SMYD5: variants seen among roughly 807,000 people sequenced by gnomAD.
SMYD5 encodes SMYD family member 5.
In SMYD5, 35 loss-of-function variants were observed where a neutral mutation model predicts 57.4. The observed-to-expected ratio is 0.61, with a 90% CI of 0.47 to 0.81. The LOEUF is 0.81. Ranked by LOEUF, SMYD5 falls within the 30% of genes least tolerant of loss-of-function variation. SMYD5 has a pLI of 0.00. For missense variants in SMYD5, 471 were observed against 527.9 expected, an observed-to-expected ratio of 0.89 and a Z score of 1.06; for synonymous variants, 198 against 189.7, an observed-to-expected ratio of 1.04 and a Z score of -0.36.
chr2:73,214,769 G>A (rs1253479124), intron 1 of SMYD5: 1 of 1,316,534 alleles, frequency 7.6e-7, no homozygotes, highest in Admixed American at 2.3e-5. Context: ...TGAGGAGAGA[G>A]GCCAAGATCC....
chr2:73,222,836 G>C lies in SMYD5; in HGVS notation c.705+19G>C. 6.2e-7 allele frequency: 1 copy of C among 1,611,380 alleles called. No individual in the cohort carries two copies. The highest frequency in any genetic ancestry group is 1.1e-5 in the South Asian group (1 of 90,960). Reference sequence around the variant, plus strand: ...CAGCCAGGTGAGTGAGGAGAGGGTGGGACCAGTGGCCTCCTTGTTACTCCA... The same window carrying C: ...CAGCCAGGTGAGTGAGGAGAGGGTGCGACCAGTGGCCTCCTTGTTACTCCA... On this transcript the variant is annotated intron_variant, in intron 7 of 12. Transcript: ENST00000389501.
intron 1 of SMYD5, among the ~76,000 whole-genome samples, chr2:73,216,966 TTTTGAGATGGAG>T (rs1161094006): frequency 6.6e-6 from 1 of 151,826 alleles, no homozygotes; most frequent in African/African-American, 2.4e-5. Context: ...TTCTTTTTTT[TTTTGAGATGGAG>T]TCTTACTCTG....
chr2:73,225,416 C>G, intron 11 of SMYD5: 1 of 638,396 alleles, frequency 1.6e-6, no homozygotes, highest in East Asian at 2.6e-5. Flanking sequence ...CAACCAGTCT[C>G]CTCTGTCTCA....
chr2:73,223,608 C>T lies in SMYD5; in HGVS notation c.883+76C>T, dbSNP rs1188493329. 11 of 1,030,732 alleles carry T rather than the reference C, an allele frequency of 1.1e-5. No individual in the cohort carries two copies. The East Asian group carries it at 2.6e-4, about 25-fold the overall frequency. 63.8% of individuals were successfully genotyped at this position (1,030,732 alleles called of 1,614,324 possible). On this transcript the variant is annotated intron_variant, in intron 9 of 12. Coordinates refer to ENST00000389501, the MANE Select transcript of SMYD5 (RefSeq NM_006062.3). ...CAGATGGTGGACACAAAGTCTTTCC[C>T]CAGGGTGCTCTGAATTAATGGTGGG...
chr2:73,222,954 A>G (rs1034724083), intron 7 of SMYD5, 82 bp from the exon 8 acceptor site: 3 of 1,507,666 alleles, frequency 2.0e-6, no homozygotes, highest in Non-Finnish European at 2.8e-6. Flanking sequence ...CCTGACTCAC[A>G]GAAGGCTTCC....
chr2:73,224,613 A>C (rs1686463726), intron 10 of SMYD5, among the ~76,000 whole-genome samples: 1 of 152,130 alleles, frequency 6.6e-6, no homozygotes, highest in Admixed American at 6.5e-5. Context: ...CCTTTGCGAG[A>C]CAGTGGGAAC....
chr2:73,215,271 T>C (rs1686272989), intron 1 of SMYD5, among the ~76,000 whole-genome samples: 1 of 152,244 alleles, frequency 6.6e-6, no homozygotes, highest in Non-Finnish European at 1.5e-5. Flanking sequence ...TGTGTAAAAT[T>C]ATATTTGTTC....
chr2:73,225,869 G>A lies in SMYD5; in HGVS notation c.1180G>A (p.Glu394Lys). Residue 394 changes from glutamate (E) to lysine (K), a missense_variant, in exon 13 of 13, where the codon GAG (glutamate) becomes AAG (lysine). Coordinates refer to ENST00000389501, the MANE Select transcript of SMYD5 (RefSeq NM_006062.3). ...TGATGAACCCAATGTGACCTCAGAA[G>A]AGGAAGAGGAAGAGGAGGAGGAGGA... Reference protein sequence around the residue: ...EADEPNVTSEEEEEEEEEEEG... With the variant: ...EADEPNVTSEKEEEEEEEEEG... 1 of 1,612,858 alleles carries A rather than the reference G, an allele frequency of 6.2e-7. No individual in the cohort carries two copies. The highest frequency in any genetic ancestry group is 1.7e-5 in the Admixed American group (1 of 60,020).
chr2:73,219,093 T>C (rs962974059), intron 2 of SMYD5, 124 bp downstream of exon 2: 4 of 701,436 alleles, frequency 5.7e-6, no homozygotes, highest in African/African-American at 1.7e-5. Flanking sequence ...TGTCTTCCAT[T>C]GAAGGACTGT....
Position 73,221,237 on chromosome 2 carries a change from G to C in SMYD5, c.537+3G>C. 6.2e-7 allele frequency: 1 copy of C among 1,613,416 alleles called. No homozygotes were observed. On this transcript the variant is annotated splice_donor_region_variant and intron_variant, in intron 5 of 12. Coordinates refer to ENST00000389501, the MANE Select transcript of SMYD5 (RefSeq NM_006062.3). ...GGATGGTGGCCACAGTGAAGCAGGT[G>C]AGCCCACCCAACCCTCTCGGGGAAG...
intron 2 of SMYD5, 147 bp downstream of exon 2, chr2:73,219,116 T>C: frequency 1.5e-6 from 1 of 660,050 alleles, no homozygotes. Flanking sequence ...CTGAGAACCA[T>C]GCCTCTGTCC....
intron 10 of SMYD5, 44 bp from the exon 11 acceptor site, chr2:73,224,822 T>A: frequency 6.9e-7 from 1 of 1,445,492 alleles, no homozygotes. Flanking sequence ...AGGCTATTAT[T>A]TTTTTTAGTC....
At chr2:73,214,882 T>G (rs1420046243) in intron 1 of SMYD5, 1 of 1,217,100 alleles carries the variant, frequency 8.2e-7, no homozygotes, top group Non-Finnish European at 1.1e-6. Context: ...TTTTGTCGTT[T>G]TTATTGTGTT....
chr2:73,220,192 T>TGAG lies in SMYD5; in HGVS notation c.345+3_345+5dup. The TGAG allele has an allele frequency of 6.2e-7, 1 of 1,613,838 alleles. No homozygotes were observed. The highest frequency in any genetic ancestry group is 1.7e-5 in the Admixed American group (1 of 59,996). On this transcript the variant is annotated splice_region_variant and intron_variant, in intron 3 of 12. Transcript: ENST00000389501. ...CACCAGAACTGTCCCCATTGCCAAGTGAGTATTCTTGGGGAGTGTACCTGG... is the reference window on the plus strand; with the variant it reads ...CACCAGAACTGTCCCCATTGCCAAGTGAGGAGTATTCTTGGGGAGTGTACCTGG...
chr2:73,216,285 T>C (rs531374250), intron 1 of SMYD5, among the ~76,000 whole-genome samples: 42 of 152,344 alleles, frequency 2.8e-4, no homozygotes, highest in Non-Finnish European at 5.0e-4. Context: ...CCGGGCATGG[T>C]GGCTCATTCC....
intron 11 of SMYD5, chr2:73,225,244 C>T (rs1417799346): frequency 2.1e-6 from 1 of 479,264 alleles, no homozygotes; most frequent in Non-Finnish European, 3.7e-6. Flanking sequence ...TATGTAATTT[C>T]TAAGAAAGCA....
At chr2:73,215,930 T>C (rs1270488519) in intron 1 of SMYD5, among the ~76,000 whole-genome samples, 1 of 152,196 alleles carries the variant, frequency 6.6e-6, no homozygotes, top group Non-Finnish European at 1.5e-5. Flanking sequence ...ATACTTGTTT[T>C]TTTTTGGTAA....
Position 73,214,367 on chromosome 2 carries a change from G to A in SMYD5, c.96+5G>A. ...CGTTTCGTGAGCAGCGCCAAGGTGA[G>A]GTCGGGGCGGGTCCTGCCGGGAGCC... On this transcript the variant is annotated splice_donor_5th_base_variant and intron_variant, in intron 1 of 12. Transcript: ENST00000389501. 1 of 1,613,212 alleles carries A rather than the reference G, an allele frequency of 6.2e-7. No homozygotes were observed. Among genetic ancestry groups the A allele is most frequent in the Non-Finnish European group, 8.5e-7 (1 of 1,179,650 alleles).
At chr2:73,214,736 T>C (rs1339885130) in intron 1 of SMYD5, 6 of 1,331,524 alleles carry the variant, frequency 4.5e-6, no homozygotes, top group Non-Finnish European at 6.0e-6. Flanking sequence ...ACGAACTTCA[T>C]GTGTGAGATT....
Sources: allele counts gnomAD v4.1 joint callset (sites outside exome capture counted in the v4.1 genomes callset), GRCh38; gene constraint gnomAD v4.1.1; transcripts MANE v1.5; gene names NCBI Gene and HGNC (gene_info 2026-07-23, HGNC 2026-07-21).